Variants in NEK9 observed in about 807,000 individuals in gnomAD.
NEK9 encodes NIMA related kinase 9.
Under a neutral mutation model 123.4 loss-of-function variants are expected in NEK9, and 75 were observed. The ratio of observed to expected loss-of-function variants is 0.61; its 90% CI spans 0.50 to 0.74. The LOEUF (loss-of-function observed/expected upper bound fraction) is 0.74. Ranked by LOEUF, NEK9 falls within the 30% of genes least tolerant of loss-of-function variation. The probability of loss-of-function intolerance (pLI) is 0.00; values close to 1 mark genes in which losing one functional copy is unlikely to be tolerated. For missense variants in NEK9, 952 were observed against 1,214.4 expected (o/e 0.78, Z 3.21); for synonymous variants, 438 against 458.7 (o/e 0.95, Z 0.58).
At position 75,084,623 on chromosome 14, in the gene NEK9, C is replaced by A. The variant is rs377136228; in HGVS notation, c.2881G>T (p.Asp961Tyr). Residue 961 changes from aspartate (D) to tyrosine (Y), a missense_variant, in exon 22 of 22, where the codon GAC (aspartate) becomes TAC (tyrosine). Around this residue, in one of 4 missense-constraint regions of NEK9, gnomAD observed 698 missense variants for 875.6 expected, o/e 0.80. Coordinates refer to ENST00000238616, the MANE Select transcript of NEK9 (RefSeq NM_033116.6). ...AGGCACCAGGAATCTGAATCTAAGT[C>A]AGGCTTTGGATCCATTTCCATCTCT... is the stretch of plus-strand genomic sequence containing the variant. ...KEEMEMDPKPDLDSDSWCLLG... is the reference protein window; with the variant it reads ...KEEMEMDPKPYLDSDSWCLLG... 78 of 1,614,066 alleles carry A rather than the reference C, an allele frequency of 4.8e-5. No homozygotes were observed. The highest frequency in any genetic ancestry group is 6.5e-5 in the Non-Finnish European group (77 of 1,180,038).
At chr14:75,107,835 A>G (rs1316664277) in intron 10 of NEK9, among the ~76,000 whole-genome samples, 1 of 152,226 alleles carries the variant, frequency 6.6e-6, no homozygotes, top group Non-Finnish European at 1.5e-5. Flanking sequence ...TCCTGCCAAC[A>G]GGTAAAGAAA....
At chr14:75,099,782 C>A (rs1367078057) in intron 16 of NEK9, among the ~76,000 whole-genome samples, 342 of 118,360 alleles carry the variant, frequency 2.9e-3, no homozygotes, top group Admixed American at 3.7e-3. Context: ...GATTGTGTCT[C>A]AAAAAAAAAA....
intron 6 of NEK9, 60 bp from the exon 7 acceptor site, chr14:75,114,373 T>A: frequency 7.8e-7 from 1 of 1,285,958 alleles, no homozygotes; most frequent in Non-Finnish European, 1.1e-6. Flanking sequence ...TATACTCTAC[T>A]GGTAGGGGCT....
chr14:75,126,787 C>G lies in NEK9; in HGVS notation c.135G>C (p.Ala45=), dbSNP rs1376096215. ...SQGPRAGGGA[A]EQEELHYIPI... is the part of the protein sequence containing the mutation. ...GGATGTAGTGCAGTTCCTCCTGCTC[C>G]GCCGCGCCGCCGCCGGCTCGCGGCC... is the stretch of plus-strand genomic sequence containing the variant. The change falls in exon 1 of 22, where the codon GCG becomes GCC. Residue 45 remains alanine, a synonymous_variant. Coordinates refer to ENST00000238616, the MANE Select transcript of NEK9 (RefSeq NM_033116.6). 1 of 1,531,288 alleles carries G rather than the reference C, an allele frequency of 6.5e-7. No individual in the cohort carries two copies. Among genetic ancestry groups the G allele is most frequent in the Admixed American group, 2.0e-5 (1 of 49,288 alleles). The allele number at this position is 1,531,288 out of a possible 1,614,324, so 94.9% of individuals were successfully genotyped here.
rs565069253 is a variant in NEK9 at position 75,100,857 on chromosome 14, G to T, written c.2002+135C>A. 6 of 845,548 alleles carry T rather than the reference G, an allele frequency of 7.1e-6. No individual in the cohort carries two copies. Among genetic ancestry groups the T allele is most frequent in the Non-Finnish European group, 1.1e-5 (6 of 567,020 alleles). The allele number at this position is 845,548 out of a possible 1,614,324, so 52.4% of individuals were successfully genotyped here. A position where few individuals can be genotyped will look rare whatever the true frequency, so the allele number is the denominator to read the frequency against. ...TTAATAAAGCTCAATATATATAACC[G>T]GCCACCAATTTAATACAAATAAAAA... On this transcript the variant is annotated intron_variant, in intron 16 of 21. Transcript: ENST00000238616.
At chr14:75,087,363 G>GA in intron 20 of NEK9, 133 bp from the exon 21 acceptor site, 6 of 633,016 alleles carry the variant, frequency 9.5e-6, no homozygotes, top group Non-Finnish European at 1.6e-5. Context: ...ATGAATATAT[G>GA]TACGAGAAAC....
intron 1 of NEK9, among the ~76,000 whole-genome samples, chr14:75,124,493 C>A (rs1423598502): frequency 6.6e-6 from 1 of 152,122 alleles, no homozygotes; most frequent in Non-Finnish European, 1.5e-5. Context: ...GGGGATAGAT[C>A]TCAAAAAGAT....
rs1428180515 is a variant in NEK9, at chr14:75,126,936, G to A, written c.-15C>T. 15 of 1,451,522 alleles carry A rather than the reference G, an allele frequency of 1.0e-5. No individual in the cohort carries two copies. The highest frequency in any genetic ancestry group is 1.4e-5 in the Non-Finnish European group (15 of 1,095,552). The allele number at this position is 1,451,522 out of a possible 1,614,324, so 89.9% of individuals were successfully genotyped here. On this transcript the variant is annotated 5_prime_UTR_variant, in exon 1 of 22. Transcript: ENST00000238616. ...AGCACCGACATGGCGGCGGCCGCGG[G>A]CCTTGGGGACCAGCCTGCGTATGCC... is the stretch of plus-strand genomic sequence containing the variant.
intron 10 of NEK9, among the ~76,000 whole-genome samples, chr14:75,108,012 G>C (rs1185663053): frequency 6.6e-6 from 1 of 152,006 alleles, no homozygotes; most frequent in Non-Finnish European, 1.5e-5. Context: ...TGTACTAGAA[G>C]TTTCATAAAT....
rs576036205 is a variant in NEK9, at chr14:75,121,240, G to GT, written c.398-67dup. On this transcript the variant is annotated intron_variant, in intron 2 of 21. Transcript: ENST00000238616. ...GATCAAAGCTTGGCTCCTGTAACAGGTTTTTTTAGGTGACACAAGGAAATG... is the reference window on the plus strand; with the variant it reads ...GATCAAAGCTTGGCTCCTGTAACAGGTTTTTTTTAGGTGACACAAGGAAATG... 1,600 of 1,207,318 alleles carry GT rather than the reference G, an allele frequency of 1.3e-3. 2 individuals carry two copies. The highest frequency in any genetic ancestry group is 1.6e-3 in the Non-Finnish European group (1,347 of 830,358). 74.8% of individuals were successfully genotyped at this position (1,207,318 alleles called of 1,614,324 possible).
intron 14 of NEK9, among the ~76,000 whole-genome samples, chr14:75,103,068 A>G (rs1452536247): frequency 6.6e-6 from 1 of 152,192 alleles, no homozygotes; most frequent in Non-Finnish European, 1.5e-5. Context: ...GGGGAGGGAT[A>G]GCATTAGGCG....
At chr14:75,121,000 G>A in intron 3 of NEK9, 119 bp downstream of exon 3, 1 of 820,298 alleles carries the variant, frequency 1.2e-6, no homozygotes, top group Admixed American at 1.9e-5. Context: ...TCAGAGCCTG[G>A]AAGGAGTCTG....
intron 18 of NEK9, among the ~76,000 whole-genome samples, chr14:75,092,016 G>C (rs1894233588): frequency 6.6e-6 from 1 of 151,814 alleles, no homozygotes; most frequent in South Asian, 2.1e-4. Context: ...TCTAGCTTCT[G>C]TTGCTCAGGC....
At chr14:75,107,513 T>C in intron 10 of NEK9, 26 bp from the exon 11 acceptor site, 1 of 1,223,556 alleles carries the variant, frequency 8.2e-7, no homozygotes. Context: ...GTCTTATGAC[T>C]TTTTTTTTTA....
intron 16 of NEK9, 65 bp downstream of exon 16, chr14:75,100,927 T>A: frequency 6.6e-7 from 1 of 1,513,872 alleles, no homozygotes; most frequent in African/African-American, 1.4e-5. Context: ...TCCATTTCTT[T>A]CCCAGCCAAG....
chr14:75,120,734 G>A (rs1895302310), intron 3 of NEK9, 154 bp from the exon 4 acceptor site: 1 of 624,982 alleles, frequency 1.6e-6, no homozygotes, highest in Non-Finnish European at 2.8e-6. Context: ...AGTAGGCAAA[G>A]AAAAGTGAAG....
At chr14:75,121,552 A>G (rs1286495395) in intron 2 of NEK9, among the ~76,000 whole-genome samples, 1 of 152,240 alleles carries the variant, frequency 6.6e-6, no homozygotes, top group Non-Finnish European at 1.5e-5. Context: ...TGTGACTACT[A>G]TAACATCTGG....
At chr14:75,111,322 T>C (rs1894952454) in intron 8 of NEK9, among the ~76,000 whole-genome samples, 2 of 152,232 alleles carry the variant, frequency 1.3e-5, no homozygotes, top group Non-Finnish European at 2.9e-5. Flanking sequence ...TGCTCAGGCA[T>C]CAGTACTTTT....
At chr14:75,127,173 A>G (rs1447544002), upstream of NEK9, 2 of 449,574 alleles carry the variant, frequency 4.4e-6, no homozygotes, top group Non-Finnish European at 3.9e-6. Context: ...GAAGGCCTGC[A>G]AAGTGAGGCC....
Sources: gnomAD v4.1 joint callset for allele counts (sites outside exome capture counted in the v4.1 genomes callset) on GRCh38, gnomAD v4.1.1 for gene constraint, gnomAD v4.1.1 regional missense constraint, MANE v1.5 for transcripts, NCBI Gene and HGNC (gene_info 2026-07-23, HGNC 2026-07-21) for gene names.